Variants in NREP observed in about 807,000 individuals in gnomAD.
NREP encodes neuronal regeneration-related protein.
In NREP, 5 loss-of-function variants were observed where a neutral mutation model predicts 8.6. The ratio of observed to expected loss-of-function variants is 0.58; its 90% CI spans 0.30 to 1.22. The LOEUF (loss-of-function observed/expected upper bound fraction) is 1.22, where lower values mean the gene tolerates loss of function less well. NREP is among the 50% of genes most tolerant of loss of function. NREP has a pLI of 0.07. For missense variants in NREP, 86 were observed against 82.5 expected (o/e 1.04, Z -0.17); for synonymous variants, 27 against 28.0 (o/e 0.96, Z 0.11).
chr5:111,937,195 C>T (rs1755707923), intron 2 of NREP, among the ~76,000 whole-genome samples: 1 of 152,040 alleles, frequency 6.6e-6, no homozygotes, highest in African/African-American at 2.4e-5. Flanking sequence ...CTGAGGTTTT[C>T]AGTTTTAAAT....
intron 2 of NREP, among the ~76,000 whole-genome samples, chr5:111,770,370 T>C (rs999031100): frequency 1.3e-5 from 2 of 152,132 alleles, no homozygotes; most frequent in African/African-American, 4.8e-5. Flanking sequence ...AAACTATAAT[T>C]TCTCTATGCT....
Position 111,730,653 on chromosome 5 carries a change from T to C in NREP, c.*268A>G, listed in dbSNP as rs1195647823. The C allele has an allele frequency of 3.3e-6, 1 of 306,682 alleles. No homozygotes were observed. The highest frequency in any genetic ancestry group is 4.8e-5 in the Admixed American group (1 of 21,052). 19.0% of individuals were successfully genotyped at this position (306,682 alleles called of 1,614,324 possible). A position where few individuals can be genotyped will look rare whatever the true frequency, so the allele number is the denominator to read the frequency against. The stretch of plus-strand genomic sequence containing the variant: ...GAGTTTGAGTTGTGGAAGACATTGT[T>C]GTAGCGAACCAGGCCTGAAGGCCCA... On this transcript the variant is annotated 3_prime_UTR_variant, in exon 4 of 4. Transcript: ENST00000257435.
At chr5:111,847,614 A>G (rs1753213913) in intron 2 of NREP, among the ~76,000 whole-genome samples, 1 of 152,200 alleles carries the variant, frequency 6.6e-6, no homozygotes, top group Admixed American at 6.5e-5. Flanking sequence ...TAATAGACCC[A>G]AGTTTAAAGT....
intron 2 of NREP, among the ~76,000 whole-genome samples, chr5:111,868,192 A>T (rs903212879): frequency 6.6e-6 from 1 of 152,158 alleles, no homozygotes. Context: ...CAGAGATAAT[A>T]CAGAGGATGT....
chr5:111,825,944 T>A, intron 2 of NREP, among the ~76,000 whole-genome samples: 1 of 151,232 alleles, frequency 6.6e-6, no homozygotes, highest in East Asian at 2.0e-4. Context: ...ATATAATCTT[T>A]TTGCTCGTTT....
intron 2 of NREP, among the ~76,000 whole-genome samples, chr5:111,962,981 C>G (rs1756521403): frequency 6.6e-6 from 1 of 152,258 alleles, no homozygotes; most frequent in Admixed American, 6.5e-5. Flanking sequence ...GGACGGCAGA[C>G]AAGAGCTTGG....
intron 2 of NREP, among the ~76,000 whole-genome samples, chr5:111,964,854 GCAAAAAAAAAAAAA>G (rs1756588695): frequency 4.2e-5 from 1 of 23,880 alleles, no homozygotes; most frequent in African/African-American, 1.8e-4. Flanking sequence ...GCTTTCAGCA[GCAAAAAAAAAAAAA>G]AAAAAAAAAA....
chr5:111,734,621 A>G (rs1353243798), intron 3 of NREP: 1 of 578,238 alleles, frequency 1.7e-6, no homozygotes, highest in Non-Finnish European at 3.1e-6. Context: ...TGTAAATAAA[A>G]TAATTTCTTA....
chr5:111,918,092 T>C (rs1303554957), intron 2 of NREP, among the ~76,000 whole-genome samples: 3 of 152,048 alleles, frequency 2.0e-5, no homozygotes, highest in Admixed American at 6.6e-5. Flanking sequence ...AAATCATGAG[T>C]GAACTGCCAT....
intron 2 of NREP, among the ~76,000 whole-genome samples, chr5:111,896,695 C>T (rs1184381068): frequency 6.6e-6 from 1 of 152,172 alleles, no homozygotes; most frequent in East Asian, 1.9e-4. Flanking sequence ...AGATCAGCCT[C>T]GTTTACTCTC....
At chr5:111,873,969 A>G (rs1426889302) in intron 2 of NREP, among the ~76,000 whole-genome samples, 4 of 151,820 alleles carry the variant, frequency 2.6e-5, no homozygotes, top group African/African-American at 9.7e-5. Flanking sequence ...AGGTGGAGAC[A>G]GAGACAAACA....
At chr5:111,856,887 A>G (rs1430836952) in intron 2 of NREP, among the ~76,000 whole-genome samples, 2 of 152,132 alleles carry the variant, frequency 1.3e-5, no homozygotes, top group African/African-American at 4.8e-5. Context: ...TTGAGTAGTC[A>G]TGCTTTCAAC....
chr5:111,945,336 G>T (rs994173955), intron 2 of NREP, among the ~76,000 whole-genome samples: 2 of 151,706 alleles, frequency 1.3e-5, no homozygotes, highest in Admixed American at 1.3e-4. Flanking sequence ...CAACGTGCAG[G>T]TTTGTTACAT....
intron 2 of NREP, among the ~76,000 whole-genome samples, chr5:111,945,905 T>C (rs1377075386): frequency 6.6e-6 from 1 of 152,040 alleles, no homozygotes; most frequent in African/African-American, 2.4e-5. Flanking sequence ...TTGGCTCACC[T>C]TGGATCTTGT....
At chr5:111,841,743 C>T (rs1753035814) in intron 2 of NREP, among the ~76,000 whole-genome samples, 1 of 152,082 alleles carries the variant, frequency 6.6e-6, no homozygotes, top group African/African-American at 2.4e-5. Flanking sequence ...CTTAGAGTTT[C>T]AGAGGACTCA....
At chr5:111,815,835 G>A (rs1196663060) in intron 2 of NREP, among the ~76,000 whole-genome samples, 1 of 152,090 alleles carries the variant, frequency 6.6e-6, no homozygotes, top group Non-Finnish European at 1.5e-5. Context: ...TGTAAGAAAA[G>A]TTCTAAGAAA....
At chr5:111,963,085 G>A (rs986828589) in intron 2 of NREP, among the ~76,000 whole-genome samples, 5 of 152,256 alleles carry the variant, frequency 3.3e-5, no homozygotes, top group African/African-American at 9.6e-5. Flanking sequence ...GAGGCAAGGG[G>A]CCCACTGAGT....
intron 2 of NREP, among the ~76,000 whole-genome samples, chr5:111,856,142 G>A (rs1371548169): frequency 6.6e-6 from 1 of 152,140 alleles, no homozygotes; most frequent in Non-Finnish European, 1.5e-5. Context: ...TTTCCAGCGA[G>A]GATGCTGTCT....
chr5:111,841,989 T>C (rs1753041357), intron 2 of NREP, among the ~76,000 whole-genome samples: 1 of 152,086 alleles, frequency 6.6e-6, no homozygotes, highest in Non-Finnish European at 1.5e-5. Context: ...AAAACTCTGG[T>C]GTGATTGTAT....
Sources: gnomAD v4.1 joint callset for allele counts (sites outside exome capture counted in the v4.1 genomes callset) on GRCh38, gnomAD v4.1.1 for gene constraint, MANE v1.5 for transcripts, NCBI Gene and HGNC (gene_info 2026-07-23, HGNC 2026-07-21) for gene names.